CHD2: variants seen among roughly 807,000 people sequenced by gnomAD.
CHD2 encodes ATP-dependent chromatin remodeler CHD2.
A neutral mutation model predicts 243.9 loss-of-function variants in CHD2; 28 were observed. That is an observed-to-expected ratio of 0.11 (90% CI 0.09 to 0.16). The LOEUF is 0.16. Among genes scored for constraint, CHD2 ranks in the 10% least tolerant of loss-of-function variants. The pLI is 1.00. For synonymous variants in CHD2, 775 were observed against 779.0 expected (o/e 0.99, Z 0.09); for missense variants, 1,386 against 2,209.8 (o/e 0.63, Z 7.47).
intron 2 of CHD2, chr15:92,904,776 C>G (rs1038822613): frequency 7.1e-7 from 1 of 1,402,930 alleles, no homozygotes; most frequent in Admixed American, 3.1e-5. Context: ...GTCCCTTCTC[C>G]CCGCCCCCGT....
At chr15:92,952,337 G>C (rs2053564146) in intron 13 of CHD2, among the ~76,000 whole-genome samples, 1 of 152,072 alleles carries the variant, frequency 6.6e-6, no homozygotes, top group Non-Finnish European at 1.5e-5. Flanking sequence ...AGGAGGGAGG[G>C]GGATGGTTTC....
At chr15:92,954,610 G>A (rs573292532) in intron 14 of CHD2, among the ~76,000 whole-genome samples, 222 of 152,086 alleles carry the variant, frequency 1.5e-3, no homozygotes, top group Non-Finnish European at 2.7e-3. Flanking sequence ...CGTTAAAGAC[G>A]AAAAAAGAGA....
intron 16 of CHD2, chr15:92,965,217 A>G (rs1299573672): frequency 6.6e-6 from 1 of 152,146 alleles, no homozygotes; most frequent in African/African-American, 2.4e-5. Flanking sequence ...TATATCTAAT[A>G]TTATAAATTA....
At chr15:92,950,994 G>T (rs1454270057) in intron 13 of CHD2, among the ~76,000 whole-genome samples, 3 of 152,082 alleles carry the variant, frequency 2.0e-5, no homozygotes, top group Non-Finnish European at 4.4e-5. Flanking sequence ...TTTCCTTTTA[G>T]AGGTTAGTGG....
chr15:92,946,153 G>C lies in CHD2; in HGVS notation c.1314G>C (p.Gln438His). The stretch of plus-strand genomic sequence containing the variant: ...AAGCCCTCATTGGAAAGAAATTCCA[G>C]AATTGCATTGACAGCTTCCACAGTA... ...EDEALIGKKF[Q>H]NCIDSFHSRN... Residue 438 changes from glutamine to histidine, a missense_variant, in exon 12 of 39, where the codon CAG becomes CAC. Transcript: ENST00000394196. 6.2e-7 allele frequency: 1 copy of C among 1,613,776 alleles called. No homozygotes were observed. Among genetic ancestry groups the C allele is most frequent in the South Asian group, 1.1e-5 (1 of 91,044 alleles).
intron 38 of CHD2, among the ~76,000 whole-genome samples, chr15:93,024,162 C>CGTAT (rs2054565976): frequency 6.6e-6 from 1 of 151,862 alleles, no homozygotes; most frequent in African/African-American, 2.4e-5. Context: ...CAAGTGTGTA[C>CGTAT]TTGTGTCACT....
chr15:92,909,560 A>G (rs1002677019), intron 2 of CHD2, among the ~76,000 whole-genome samples: 2 of 152,048 alleles, frequency 1.3e-5, no homozygotes, highest in African/African-American at 2.4e-5. Flanking sequence ...TGGTGGTATT[A>G]TAGATGCCTG....
intron 2 of CHD2, among the ~76,000 whole-genome samples, chr15:92,909,588 A>G (rs1295385918): frequency 6.6e-6 from 1 of 151,984 alleles, no homozygotes; most frequent in African/African-American, 2.4e-5. Context: ...ATAATTTGTT[A>G]TTGTGGGGAG....
intron 2 of CHD2, among the ~76,000 whole-genome samples, chr15:92,906,186 T>G (rs2052618436): frequency 1.3e-5 from 2 of 152,298 alleles, no homozygotes; most frequent in South Asian, 4.1e-4. Flanking sequence ...CCTTCTACTT[T>G]TTTTCCCTTT....
At chr15:92,954,817 G>C (rs1205763598) in intron 14 of CHD2, among the ~76,000 whole-genome samples, 1 of 152,160 alleles carries the variant, frequency 6.6e-6, no homozygotes, top group Non-Finnish European at 1.5e-5. Context: ...TTCCTAACTT[G>C]ACAGCCAAAC....
chr15:92,939,662 T>C lies in CHD2; in HGVS notation c.636T>C (p.Asp212=). The change falls in exon 7 of 39, where the codon GAT becomes GAC. Residue 212 remains aspartate (D), a synonymous_variant. Coordinates refer to ENST00000394196, the MANE Select transcript of CHD2 (RefSeq NM_001271.4). ...AGCAAGATTCTTCTGATGAGGATGA[T>C]GATGATGACGAAGCTCCCAAAAGGC... The part of the protein sequence containing the change: ...RKKQDSSDED[D]DDDEAPKRQT... 1 of 1,614,138 alleles carries C rather than the reference T, an allele frequency of 6.2e-7. No homozygotes were observed.
rs769774687 is a variant in CHD2 at position 92,980,945 on chromosome 15, A to T, written c.2973+34A>T. 3.4e-6 allele frequency: 5 copies of T among 1,452,408 alleles called. No individual in the cohort carries two copies. The East Asian group carries it at 6.8e-5, about 20-fold the overall frequency. The allele number at this position is 1,452,408 out of a possible 1,614,324, so 90.0% of individuals were successfully genotyped here. A position where few individuals can be genotyped will look rare whatever the true frequency, so the allele number is the denominator to read the frequency against. ...CAATGAGGAGAGGGAAATTTTTTTGAGAAGTATGATCTGTGAGAGTCTAAC... is the reference window on the plus strand; with the variant it reads ...CAATGAGGAGAGGGAAATTTTTTTGTGAAGTATGATCTGTGAGAGTCTAAC... On this transcript the variant is annotated intron_variant, in intron 23 of 38. Transcript: ENST00000394196.
chr15:93,013,885 A>C (rs754632999), intron 36 of CHD2, among the ~76,000 whole-genome samples: 15 of 128,926 alleles, frequency 1.2e-4, no homozygotes, highest in South Asian at 2.7e-4. Flanking sequence ...CAGTGAGCTG[A>C]GATGGCATCA....
At chr15:92,938,338 G>A (rs2053300228) in intron 6 of CHD2, among the ~76,000 whole-genome samples, 1 of 152,124 alleles carries the variant, frequency 6.6e-6, no homozygotes, top group Non-Finnish European at 1.5e-5. Flanking sequence ...GATATATATT[G>A]CAGTAAATGT....
intron 34 of CHD2, among the ~76,000 whole-genome samples, chr15:93,006,183 G>A (rs1311417606): frequency 4.2e-5 from 6 of 141,270 alleles, no homozygotes; most frequent in African/African-American, 1.6e-4. Context: ...CTGGATTGCA[G>A]TGGCTCAATC....
intron 8 of CHD2, 48 bp downstream of exon 8, chr15:92,942,003 A>G (rs2141785321): frequency 6.4e-7 from 1 of 1,561,528 alleles, no homozygotes; most frequent in Non-Finnish European, 8.7e-7. Flanking sequence ...GCTTAGTAAG[A>G]CTTAGATTTT....
chr15:92,976,224 T>TTC (rs1434424649), intron 20 of CHD2, among the ~76,000 whole-genome samples: 7 of 152,204 alleles, frequency 4.6e-5, no homozygotes, highest in African/African-American at 1.7e-4. Context: ...TAGCTCTCAG[T>TTC]TGATTCCCAC....
rs1035820196 is a variant in CHD2 at position 92,958,490 on chromosome 15, A to C, written c.2000+1841A>C. ...AGCATGTGGGAATTATTTATATCCT[A>C]CTGCTCAAGGTCATTGCCAAGGTCT... is the stretch of plus-strand genomic sequence containing the variant. On this transcript the variant is annotated intron_variant, in intron 16 of 38. Transcript: ENST00000394196. Among the ~76,000 whole-genome samples the C allele has an allele frequency of 4.6e-5, 7 of 152,154 alleles. No individual in the cohort carries two copies. The South Asian group carries it at 1.2e-3, about 27-fold the overall frequency.
chr15:92,903,643 T>C (rs777947907), intron 2 of CHD2, among the ~76,000 whole-genome samples: 3 of 152,240 alleles, frequency 2.0e-5, no homozygotes, highest in Non-Finnish European at 4.4e-5. Context: ...AAAGTTCTAA[T>C]GATGGACATA....
Sources: gnomAD v4.1 joint callset for allele counts (sites outside exome capture counted in the v4.1 genomes callset) on GRCh38, gnomAD v4.1.1 for gene constraint, MANE v1.5 for transcripts, NCBI Gene and HGNC (gene_info 2026-07-23, HGNC 2026-07-21) for gene names.